Variants in CPXM2 observed in about 807,000 individuals in gnomAD.
CPXM2 encodes carboxypeptidase X, M14 family member 2, also known as inactive carboxypeptidase-like protein X2.
In CPXM2, 66 loss-of-function variants were observed where a neutral mutation model predicts 86.1. The ratio of observed to expected loss-of-function variants is 0.77; its 90% confidence interval spans 0.63 to 0.94. The LOEUF is 0.94. Ranked by LOEUF, CPXM2 falls within the 40% of genes least tolerant of loss-of-function variation. CPXM2 has a pLI of 0.00. For synonymous variants in CPXM2, 388 were observed against 400.2 expected, an observed-to-expected ratio of 0.97 and a Z score of 0.36; for missense variants, 948 against 1,026.3, an observed-to-expected ratio of 0.92 and a Z score of 1.04.
intron 1 of CPXM2, among the ~76,000 whole-genome samples, chr10:123,887,597 A>G (rs986095111): frequency 6.6e-6 from 1 of 152,146 alleles, no homozygotes; most frequent in Non-Finnish European, 1.5e-5. Flanking sequence ...TTGTGACAAC[A>G]GGGGGGAGGG....
chr10:123,774,201 C>T (rs192344172), intron 7 of CPXM2, among the ~76,000 whole-genome samples: 29 of 152,254 alleles, frequency 1.9e-4, no homozygotes, highest in Admixed American at 8.5e-4. Flanking sequence ...TCAGGGTGGC[C>T]GGTGGGCAGG....
intron 13 of CPXM2, among the ~76,000 whole-genome samples, chr10:123,747,343 G>C (rs1368338800): frequency 1.3e-5 from 2 of 152,218 alleles, no homozygotes; most frequent in Non-Finnish European, 2.9e-5. Flanking sequence ...CAAACAGTAT[G>C]CCCTCGCCAC....
chr10:123,904,048 G>C (rs1366096376), intron 2 of CPXM2, among the ~76,000 whole-genome samples: 1 of 152,192 alleles, frequency 6.6e-6, no homozygotes, highest in East Asian at 1.9e-4. Flanking sequence ...CTTAGAAAGT[G>C]AAATGAAAAG....
In CPXM2 at chr10:123,926,572, C is replaced by T. The variant is rs560124374; in HGVS notation, n.174+12905G>A. Among the ~76,000 whole-genome samples, 17 of 152,360 alleles carry T rather than the reference C, an allele frequency of 1.1e-4. No individual in the cohort carries two copies. The South Asian group carries it at 3.1e-3, about 28-fold the overall frequency. ...AAAACTATTCACTTTCCTAGATATT[C>T]TTTCAATTAAGCTGACCACGCAAAA... On this transcript the variant is annotated intron_variant and non_coding_transcript_variant, in intron 2 of 19. Transcript: ENST00000368854.
chr10:123,799,234 C>CT, intron 4 of CPXM2, 35 bp from the exon 5 acceptor site: 1 of 1,611,612 alleles, frequency 6.2e-7, no homozygotes, highest in Non-Finnish European at 8.5e-7. Context: ...GGACTACACA[C>CT]TTTAAAATGT....
chr10:123,883,468 C>T (rs544750939), intron 1 of CPXM2, among the ~76,000 whole-genome samples: 4 of 152,322 alleles, frequency 2.6e-5, no homozygotes, highest in South Asian at 2.1e-4. Flanking sequence ...ATACCTGCCA[C>T]GGTGGAAGTT....
chr10:123,810,099 A>G (rs1259623597), intron 4 of CPXM2, among the ~76,000 whole-genome samples: 1 of 152,056 alleles, frequency 6.6e-6, no homozygotes, highest in Non-Finnish European at 1.5e-5. Flanking sequence ...AGCTATAATA[A>G]TAACAGACAA....
intron 3 of CPXM2, among the ~76,000 whole-genome samples, chr10:123,858,158 C>T (rs552030667): frequency 6.6e-6 from 1 of 152,362 alleles, no homozygotes; most frequent in African/African-American, 2.4e-5. Context: ...CTGCCAACCA[C>T]ACAGGGCAAA....
chr10:123,942,033 A>C (rs1945782354), upstream of CPXM2, among the ~76,000 whole-genome samples: 1 of 152,216 alleles, frequency 6.6e-6, no homozygotes, highest in Admixed American at 6.5e-5. Flanking sequence ...TGAATCTCTA[A>C]GGGCCTGCAC....
intron 4 of CPXM2, among the ~76,000 whole-genome samples, chr10:123,807,557 G>A (rs1236534318): frequency 2.6e-5 from 4 of 152,176 alleles, no homozygotes; most frequent in East Asian, 3.9e-4. Flanking sequence ...ACAGGTTGAT[G>A]ATGAAGACAA....
At position 123,844,339 on chromosome 10, in the gene CPXM2, A is replaced by G. The variant is rs377543549; in HGVS notation, c.514-1851T>C. 3.7e-4 allele frequency among the ~76,000 whole-genome samples: 56 copies of G among 152,296 alleles called. No individual in the cohort carries two copies. In the Middle Eastern group the frequency reaches 0.01, roughly 28 times the overall value. ...AAAGGTTTGATTCTTTAAAGGGTAC[A>G]CTAGTCTTGAAAACGTCACTAACGT... is the stretch of plus-strand genomic sequence containing the variant. On this transcript the variant is annotated intron_variant, in intron 3 of 13. Transcript: ENST00000241305.
At position 123,931,237 on chromosome 10, in the gene CPXM2, G is replaced by A. The variant is rs184603471; in HGVS notation, n.174+8240C>T. Among the ~76,000 whole-genome samples the A allele has an allele frequency of 1.3e-4, 19 of 151,426 alleles. No individual in the cohort carries two copies. In the East Asian group the frequency reaches 1.7e-3, roughly 14 times the overall value. ...GTGAGAACATCAGATCTATGAGGCC[G>A]AACCCCAGTAAAAAAAACCCTGGAC... On this transcript the variant is annotated intron_variant and non_coding_transcript_variant, in intron 2 of 19. Coordinates refer to the CPXM2 transcript ENST00000368854.
In CPXM2 at chr10:123,854,363, T is replaced by A. The variant is rs574026506; in HGVS notation, c.513+8251A>T. Among the ~76,000 whole-genome samples, 171 of 111,592 alleles carry A rather than the reference T, an allele frequency of 1.5e-3. 1 individual carries two copies. Among genetic ancestry groups the A allele is most frequent in the East Asian group, 1.2e-3 (5 of 4,314 alleles). The allele number at this position is 111,592 out of a possible 152,430, so 73.2% of individuals were successfully genotyped here. ...ACAAATATATATATATATATAAAAA[T>A]ATATATATATAATATATATATAATA... On this transcript the variant is annotated intron_variant, in intron 3 of 13. Coordinates refer to ENST00000241305, the MANE Select transcript of CPXM2 (RefSeq NM_198148.3).
intron 4 of CPXM2, among the ~76,000 whole-genome samples, chr10:123,803,590 C>G (rs574114164): frequency 3.9e-5 from 6 of 152,256 alleles, no homozygotes; most frequent in Admixed American, 2.0e-4. Flanking sequence ...CATTTAAGAT[C>G]TGCAATCCAT....
At chr10:123,894,588 G>T (rs1359165685), upstream of CPXM2, among the ~76,000 whole-genome samples, 1 of 152,164 alleles carries the variant, frequency 6.6e-6, no homozygotes, top group African/African-American at 2.4e-5. Context: ...AGTTTAGGAA[G>T]ATAGGGCGGC....
chr10:123,880,828 CAAAAAAAAA>C (rs71484548), intron 1 of CPXM2, among the ~76,000 whole-genome samples: 27 of 54,006 alleles, frequency 5.0e-4, no homozygotes, highest in African/African-American at 1.6e-3. Flanking sequence ...GATTCCGTCT[CAAAAAAAAA>C]AAAAAAAAAA....
intron 4 of CPXM2, among the ~76,000 whole-genome samples, chr10:123,824,325 A>G (rs1167247976): frequency 6.6e-6 from 1 of 152,228 alleles, no homozygotes; most frequent in Non-Finnish European, 1.5e-5. Flanking sequence ...TCAGAATGTT[A>G]TTAGAAAAGA....
upstream of CPXM2, among the ~76,000 whole-genome samples, chr10:123,942,901 T>G (rs555544279): frequency 1.1e-4 from 17 of 152,234 alleles, no homozygotes; most frequent in Admixed American, 2.0e-4. Flanking sequence ...TATAATACCA[T>G]ATTTTTACCT....
intron 1 of CPXM2, among the ~76,000 whole-genome samples, chr10:123,890,067 C>T (rs143363345): frequency 1.1e-3 from 170 of 152,356 alleles, no homozygotes; most frequent in African/African-American, 4.0e-3. Flanking sequence ...CTGAGCCTCA[C>T]CCACCCTTCG....
Sources: gnomAD v4.1 joint callset for allele counts (sites outside exome capture counted in the v4.1 genomes callset) on GRCh38, gnomAD v4.1.1 for gene constraint, MANE v1.5 for transcripts, NCBI Gene and HGNC (gene_info 2026-07-23, HGNC 2026-07-21) for gene names.